The following SLC16A1 variants were observed in gnomAD, a reference collection of about 807,000 sequenced individuals.
SLC16A1 encodes the protein solute carrier family 16 member 1.
In SLC16A1, 11 loss-of-function variants were observed where a neutral mutation model predicts 32.2. The observed-to-expected ratio is 0.34, with a 90% confidence interval of 0.21 to 0.56. The LOEUF is 0.56. SLC16A1 is among the 20% of genes least tolerant of loss of function. The pLI, the probability that SLC16A1 is intolerant of heterozygous loss-of-function variation, is 0.87. For missense variants in SLC16A1, 435 were observed against 615.0 expected, an observed-to-expected ratio of 0.71 and a Z score of 3.10; for synonymous variants, 231 against 226.8, an observed-to-expected ratio of 1.02 and a Z score of -0.17.
chr1:112,952,740 GA>G (rs1247380888), intron 1 of SLC16A1, among the ~76,000 whole-genome samples: 1 of 151,932 alleles, frequency 6.6e-6, no homozygotes, highest in Non-Finnish European at 1.5e-5. Flanking sequence ...GTTCAAAAGG[GA>G]AAAAAGAAAA....
chr1:112,916,373 C>T (rs929524265), intron 4 of SLC16A1, among the ~76,000 whole-genome samples: 1 of 151,078 alleles, frequency 6.6e-6, no homozygotes, highest in Non-Finnish European at 1.5e-5. Flanking sequence ...TGGTGGGCGC[C>T]TGTAATCACA....
rs1648380195 is a variant in SLC16A1 at position 112,913,103 on chromosome 1, G to A, written c.*788C>T. Reference sequence around the variant, plus strand: ...TTTCCAGTAAGAAAAATAATACCAGGTGATTTCAAAAAGGGCAGTGATCTA... The same window carrying A: ...TTTCCAGTAAGAAAAATAATACCAGATGATTTCAAAAAGGGCAGTGATCTA... On this transcript the variant is annotated 3_prime_UTR_variant, in exon 5 of 5. Coordinates refer to ENST00000369626, the MANE Select transcript of SLC16A1 (RefSeq NM_003051.4). 6.6e-6 allele frequency: 1 copy of A among 152,176 alleles called. No individual in the cohort carries two copies. Among genetic ancestry groups the A allele is most frequent in the African/African-American group, 2.4e-5 (1 of 41,446 alleles). 9.4% of individuals were successfully genotyped at this position (152,176 alleles called of 1,614,324 possible).
chr1:112,937,048 T>C (rs538778065), intron 1 of SLC16A1, among the ~76,000 whole-genome samples: 181 of 152,346 alleles, frequency 1.2e-3, no homozygotes, highest in African/African-American at 4.2e-3. Flanking sequence ...GCTGCAGGCA[T>C]TGATTTTATG....
At chr1:112,932,620 GGT>G (rs916764571) in intron 1 of SLC16A1, among the ~76,000 whole-genome samples, 13 of 151,920 alleles carry the variant, frequency 8.6e-5, no homozygotes, top group African/African-American at 2.9e-4. Context: ...TGGCCAACAT[GGT>G]GAAACCCCGT....
At chr1:112,950,524 T>A (rs528421056) in intron 1 of SLC16A1, among the ~76,000 whole-genome samples, 8 of 152,340 alleles carry the variant, frequency 5.3e-5, no homozygotes, top group African/African-American at 1.9e-4. Flanking sequence ...TAAGTCAGAT[T>A]CAACAATATC....
chr1:112,927,092 C>T (rs2101631522), intron 2 of SLC16A1, among the ~76,000 whole-genome samples: 1 of 144,222 alleles, frequency 6.9e-6, no homozygotes, highest in South Asian at 2.2e-4. Context: ...TGCCACTGTA[C>T]TCCTGGTCAA....
chr1:112,922,309 C>G, intron 2 of SLC16A1, 176 bp from the exon 3 acceptor site: 4 of 644,830 alleles, frequency 6.2e-6, no homozygotes, highest in Non-Finnish European at 1.1e-5. Context: ...TGTTAGAAAA[C>G]ATAATTAATT....
chr1:112,954,754 A>C (rs1248341046), intron 1 of SLC16A1, among the ~76,000 whole-genome samples: 1 of 152,232 alleles, frequency 6.6e-6, no homozygotes, highest in African/African-American at 2.4e-5. Context: ...AAAATGAATT[A>C]CTGAAATATA....
chr1:112,934,683 G>C (rs925523793), intron 1 of SLC16A1, among the ~76,000 whole-genome samples: 1 of 152,140 alleles, frequency 6.6e-6, no homozygotes, highest in Admixed American at 6.5e-5. Flanking sequence ...AAAAGAAAGA[G>C]GAAGAAGACA....
At chr1:112,949,998 A>G (rs1301610821) in intron 1 of SLC16A1, among the ~76,000 whole-genome samples, 1 of 152,242 alleles carries the variant, frequency 6.6e-6, no homozygotes, top group Admixed American at 6.5e-5. Flanking sequence ...AACAATTTCA[A>G]GATAGCTATA....
At position 112,914,088 on chromosome 1, in the gene SLC16A1, A is replaced by G; in HGVS notation, c.1306T>C (p.Tyr436His). 6.2e-7 allele frequency: 1 copy of G among 1,614,234 alleles called. No individual in the cohort carries two copies. The highest frequency in any genetic ancestry group is 8.5e-7 in the Non-Finnish European group (1 of 1,180,020). The change falls in exon 5 of 5, where the codon TAT becomes CAT. Residue 436 changes from tyrosine (Y) to histidine (H), a missense_variant. Transcript: ENST00000369626. Reference sequence around the variant, plus strand: ...TTGATGCCCATGCCAATGAAGAGATAGATACCTGAAATAATTAGGACGACG... The same window carrying G: ...TTGATGCCCATGCCAATGAAGAGATGGATACCTGAAATAATTAGGACGACG... ...CGVVLIISGI[Y>H]LFIGMGINYR...
In SLC16A1 at chr1:112,917,732, T is replaced by A. The variant is rs375314608; in HGVS notation, c.674A>T (p.Asp225Val). The A allele has an allele frequency of 6.2e-7, 1 of 1,614,246 alleles. No individual in the cohort carries two copies. The highest frequency in any genetic ancestry group is 1.7e-5 in the Admixed American group (1 of 60,030). Residue 225 changes from aspartate (D) to valine (V), a missense_variant, in exon 4 of 5, where the codon GAT becomes GTT. Asp to Val is a radical substitution (Grantham distance 152, BLOSUM62 -3). Around this residue, in one of 2 missense-constraint regions of SLC16A1, gnomAD observed 324 missense variants for 500.3 expected, o/e 0.65. Transcript: ENST00000369626. The surrounding 1 kb of genome is among the most constrained non-coding windows in gnomAD (Gnocchi z 4.1). ...AAGATCTGTATTTGCATCATGCAGA[T>A]CTTTTTTCACACCAGATTTTCCAGC... Reference protein sequence around the residue: ...EKAGKSGVKKDLHDANTDLIG... With the variant: ...EKAGKSGVKKVLHDANTDLIG...
At chr1:112,937,535 GAA>G (rs950350144) in intron 1 of SLC16A1, among the ~76,000 whole-genome samples, 1 of 147,494 alleles carries the variant, frequency 6.8e-6, no homozygotes, top group Admixed American at 6.8e-5. Flanking sequence ...GTACATAACT[GAA>G]AAAAAAAAGT....
intron 1 of SLC16A1, among the ~76,000 whole-genome samples, chr1:112,950,159 C>T (rs143016878): frequency 3.5e-4 from 53 of 152,126 alleles, no homozygotes; most frequent in African/African-American, 1.2e-3. Context: ...ATATTTTTCC[C>T]CCAAACAAGT....
In SLC16A1 at chr1:112,924,386, CTT is replaced by C. The variant is rs1389309421; in HGVS notation, c.218-2255_218-2254del. On this transcript the variant is annotated intron_variant, in intron 2 of 4. Coordinates refer to ENST00000369626, the MANE Select transcript of SLC16A1 (RefSeq NM_003051.4). ...GTTGCCCAAGGCTCTTCTGTAACCT[CTT>C]TTGTTTCTCACACTTTCTTTAATTT... The C allele has an allele frequency of 4.3e-6, 5 of 1,161,158 alleles. No homozygotes were observed. The African/African-American group carries it at 6.0e-5, about 14-fold the overall frequency. 71.9% of individuals were successfully genotyped at this position (1,161,158 alleles called of 1,614,324 possible). A position where few individuals can be genotyped will look rare whatever the true frequency, so the allele number is the denominator to read the frequency against.
chr1:112,932,670 G>A (rs1446078901), intron 1 of SLC16A1, among the ~76,000 whole-genome samples: 1 of 151,480 alleles, frequency 6.6e-6, no homozygotes, highest in Non-Finnish European at 1.5e-5. Context: ...AAGCATGGTG[G>A]TATGTGCTAG....
intron 1 of SLC16A1, among the ~76,000 whole-genome samples, chr1:112,938,762 T>C (rs1649396816): frequency 6.6e-6 from 1 of 152,228 alleles, no homozygotes; most frequent in Admixed American, 6.5e-5. Context: ...TAATTGATTT[T>C]AGACCTTGCT....
chr1:112,919,398 A>C (rs1570621578), intron 3 of SLC16A1, among the ~76,000 whole-genome samples: 1 of 152,328 alleles, frequency 6.6e-6, no homozygotes, highest in East Asian at 1.9e-4. Context: ...GATTAAGGTA[A>C]ATGATTCTAA....
rs1294613707 is a variant in SLC16A1, at chr1:112,917,258, C to A, written c.1148G>T (p.Gly383Val). The change falls in exon 4 of 5, where the codon GGA (glycine) becomes GTA (valine). Residue 383 changes from glycine to valine, a missense_variant. By Grantham distance (109) the Gly-to-Val change is moderately radical. This residue lies in a region of SLC16A1 where 324 missense variants were observed against 500.3 expected (regional missense o/e 0.65). Transcript: ENST00000369626. This position sits in a 1 kb window ranked among gnomAD's most constrained non-coding sequence, Gnocchi z 4.1. ...VLFETLMDLVGPQRFSSAVGL... is the reference protein window; with the variant it reads ...VLFETLMDLVVPQRFSSAVGL... ...CACAGCGCTGGAGAACCTCTGGGGT[C>A]CAACAAGGTCCATCAATGTTTCAAA... 2 of 1,614,036 alleles carry A rather than the reference C, an allele frequency of 1.2e-6. No homozygotes were observed. The highest frequency in any genetic ancestry group is 1.7e-6 in the Non-Finnish European group (2 of 1,180,046).
Sources: gnomAD v4.1 joint callset for allele counts (sites outside exome capture counted in the v4.1 genomes callset) on GRCh38, gnomAD v4.1.1 for gene constraint, gnomAD v4.1.1 regional missense constraint, Gnocchi (gnomAD v3.1) non-coding constraint, MANE v1.5 for transcripts, NCBI Gene and HGNC (gene_info 2026-07-23, HGNC 2026-07-21) for gene names.